The following ABCB1 variants were observed in gnomAD, a reference collection of about 807,000 sequenced individuals.
ABCB1 encodes ATP binding cassette subfamily B member 1.
In ABCB1, 69 loss-of-function variants were observed where a neutral mutation model predicts 142.0. The ratio of observed to expected loss-of-function variants is 0.49; its 90% CI spans 0.40 to 0.59. The LOEUF (loss-of-function observed/expected upper bound fraction) is 0.59, where lower values mean the gene tolerates loss of function less well. ABCB1 is among the 20% of genes least tolerant of loss of function. The pLI, the probability that ABCB1 is intolerant of heterozygous loss-of-function variation, is 0.00. For synonymous variants in ABCB1, 532 were observed against 539.2 expected (o/e 0.99, Z 0.18); for missense variants, 1,326 against 1,554.7 (o/e 0.85, Z 2.47).
chr7:87,645,497 GTC>G (rs1171037553), intron 1 of ABCB1, among the ~76,000 whole-genome samples: 4 of 152,032 alleles, frequency 2.6e-5, no homozygotes, highest in African/African-American at 7.2e-5. Context: ...TTAATTATAA[GTC>G]TCTTTTATAT....
At chr7:87,688,354 G>C (rs1827678340) in intron 1 of ABCB1, among the ~76,000 whole-genome samples, 1 of 151,240 alleles carries the variant, frequency 6.6e-6, no homozygotes, top group Non-Finnish European at 1.5e-5. Flanking sequence ...AAAACAGAGA[G>C]CTACACATTT....
At chr7:87,513,908 C>G (rs912100841) in intron 25 of ABCB1, among the ~76,000 whole-genome samples, 1 of 152,162 alleles carries the variant, frequency 6.6e-6, no homozygotes, top group Non-Finnish European at 1.5e-5. Context: ...ATTTCCTCCT[C>G]TAATTGCTTT....
At chr7:87,550,963 C>G (rs1481979304) in intron 9 of ABCB1, 125 bp from the exon 10 acceptor site, 4 of 676,370 alleles carry the variant, frequency 5.9e-6, no homozygotes, top group Non-Finnish European at 7.9e-6. Context: ...CATATAAATA[C>G]TAGGTGTTAA....
At chr7:87,698,307 AGCC>A (rs966164025) in intron 1 of ABCB1, among the ~76,000 whole-genome samples, 30 of 152,080 alleles carry the variant, frequency 2.0e-4, no homozygotes, top group Admixed American at 1.3e-4. Context: ...TCACCGTGTT[AGCC>A]AGGATGGTCT....
At chr7:87,532,981 A>G (rs1159092856) in intron 20 of ABCB1, among the ~76,000 whole-genome samples, 1 of 152,172 alleles carries the variant, frequency 6.6e-6, no homozygotes, top group Non-Finnish European at 1.5e-5. Flanking sequence ...TATAACTATC[A>G]GTAGCCTTTA....
intron 1 of ABCB1, among the ~76,000 whole-genome samples, chr7:87,664,426 C>T (rs1473601289): frequency 6.6e-5 from 10 of 152,092 alleles, no homozygotes; most frequent in Non-Finnish European, 1.2e-4. Flanking sequence ...CAAAGGAATA[C>T]AGATGCTTAT....
chr7:87,655,031 T>TA (rs1488237626), intron 1 of ABCB1, among the ~76,000 whole-genome samples: 3 of 152,056 alleles, frequency 2.0e-5, no homozygotes, highest in Non-Finnish European at 4.4e-5. Flanking sequence ...AGCCGAAGGA[T>TA]AACAAGTGCT....
rs761505938 is a variant in ABCB1 at position 87,504,194 on chromosome 7, A to G, written c.*49T>C. On this transcript the variant is annotated 3_prime_UTR_variant, in exon 28 of 28. Transcript: ENST00000622132. The stretch of plus-strand genomic sequence containing the variant: ...TTGCTTTTAACTTTGAATAAATGTC[A>G]TATCTAAACAAATATTAAAAAGTAT... The G allele has an allele frequency of 1.2e-6, 2 of 1,607,212 alleles. No individual in the cohort carries two copies. The highest frequency in any genetic ancestry group is 2.2e-5 in the East Asian group (1 of 44,800).
At position 87,539,282 on chromosome 7, in the gene ABCB1, A is replaced by T. The variant is rs766867299; in HGVS notation, c.2383T>A (p.Ser795Thr). Residue 795 changes from serine to threonine, a missense_variant, in exon 19 of 28, where the codon TCC (serine) becomes ACC (threonine). By Grantham distance (58) the Ser-to-Thr change is moderately conservative (BLOSUM62 1). Transcript: ENST00000622132. Reference protein sequence around the residue: ...TKRLRYMVFRSMLRQDVSWFD... With the variant: ...TKRLRYMVFRTMLRQDVSWFD... ...GATAGACATACCTGTCTGAGCATGG[A>T]TCGGAAAACCATGTATCGGAGCCGC... 3.7e-6 allele frequency: 6 copies of T among 1,614,124 alleles called. No homozygotes were observed. In the South Asian group the frequency reaches 6.6e-5, roughly 18 times the overall value.
chr7:87,545,816 A>G (rs777988384), intron 15 of ABCB1, 47 bp downstream of exon 15: 4 of 1,583,238 alleles, frequency 2.5e-6, no homozygotes, highest in East Asian at 2.2e-5. Flanking sequence ...ATGCAAAATC[A>G]GTTTATCACT....
chr7:87,703,184 A>C (rs1276995810), intron 1 of ABCB1, among the ~76,000 whole-genome samples: 1 of 152,166 alleles, frequency 6.6e-6, no homozygotes, highest in Non-Finnish European at 1.5e-5. Context: ...TAATAACCGA[A>C]AGTATAACAA....
intron 1 of ABCB1, chr7:87,629,154 A>G (rs1820942864): frequency 7.2e-6 from 3 of 417,496 alleles, no homozygotes; most frequent in Non-Finnish European, 1.2e-5. Flanking sequence ...TGTCAGTTCC[A>G]GTGCTGAAGG....
chr7:87,591,164 G>A (rs750578925), intron 3 of ABCB1, among the ~76,000 whole-genome samples: 1 of 152,132 alleles, frequency 6.6e-6, no homozygotes, highest in Non-Finnish European at 1.5e-5. Flanking sequence ...TGAAGTAAGA[G>A]GTTGGAGTGA....
intron 20 of ABCB1, among the ~76,000 whole-genome samples, chr7:87,535,731 G>T (rs993177546): frequency 1.1e-4 from 16 of 152,230 alleles, no homozygotes; most frequent in Admixed American, 5.2e-4. Flanking sequence ...TAGAAGAAAT[G>T]TTAGTATAGT....
At chr7:87,686,152 A>AT (rs1554465510) in intron 1 of ABCB1, among the ~76,000 whole-genome samples, 1 of 151,674 alleles carries the variant, frequency 6.6e-6, no homozygotes, top group African/African-American at 2.4e-5. Flanking sequence ...TCCACCCACA[A>AT]TTTTTTTTCT....
intron 1 of ABCB1, among the ~76,000 whole-genome samples, chr7:87,689,849 G>A (rs945761675): frequency 6.6e-6 from 1 of 152,074 alleles, no homozygotes. Flanking sequence ...CCATTCTGAT[G>A]TATTATTTGT....
chr7:87,517,238 T>C (rs376336029), intron 23 of ABCB1, among the ~76,000 whole-genome samples: 2 of 152,330 alleles, frequency 1.3e-5, no homozygotes, highest in East Asian at 3.9e-4. Flanking sequence ...CCTTTGAATC[T>C]GGGCTGGCCT....
chr7:87,535,646 T>G (rs536514697), intron 20 of ABCB1, among the ~76,000 whole-genome samples: 1 of 152,230 alleles, frequency 6.6e-6, no homozygotes, highest in African/African-American at 2.4e-5. Context: ...CTAAGGTTTA[T>G]ATTTCAACGT....
intron 26 of ABCB1, chr7:87,506,259 A>T (rs1814737956): frequency 3.5e-6 from 2 of 563,600 alleles, no homozygotes; most frequent in Non-Finnish European, 6.3e-6. Context: ...TTAAGATGAT[A>T]TGTTTTAGTG....
Sources: gnomAD v4.1 joint callset for allele counts (sites outside exome capture counted in the v4.1 genomes callset) on GRCh38, gnomAD v4.1.1 for gene constraint, MANE v1.5 for transcripts, NCBI Gene and HGNC (gene_info 2026-07-23, HGNC 2026-07-21) for gene names.